Variants in SERPINA12 observed in about 807,000 individuals in gnomAD.
SERPINA12 encodes serpin family A member 12.
In SERPINA12, 21 loss-of-function variants were observed where a neutral mutation model predicts 25.9. That is an observed-to-expected ratio of 0.81 (90% confidence interval 0.58 to 1.17). The LOEUF (loss-of-function observed/expected upper bound fraction) is 1.17, where lower values mean the gene tolerates loss of function less well. Ranked by LOEUF, SERPINA12 falls within the 50% of genes most tolerant of loss-of-function variation. The probability of loss-of-function intolerance (pLI) is 0.00; values close to 1 mark genes in which losing one functional copy is unlikely to be tolerated. For missense variants in SERPINA12, 562 were observed against 508.3 expected, an observed-to-expected ratio of 1.11 and a Z score of -1.02; for synonymous variants, 220 against 196.0, an observed-to-expected ratio of 1.12 and a Z score of -1.02.
At chr14:94,511,976 T>C (rs1901124204), upstream of SERPINA12, among the ~76,000 whole-genome samples, 1 of 152,128 alleles carries the variant, frequency 6.6e-6, no homozygotes, top group Admixed American at 6.5e-5. Flanking sequence ...CTCGCACCAG[T>C]GGTCCCAGCT....
chr14:94,516,622 T>G (rs958550843), intron 1 of SERPINA12, among the ~76,000 whole-genome samples: 3 of 152,208 alleles, frequency 2.0e-5, no homozygotes, highest in Non-Finnish European at 4.4e-5. Flanking sequence ...CGTAGCCAAC[T>G]CTTACCTGGA....
chr14:94,499,759 G>A (rs1164135443), intron 1 of SERPINA12, among the ~76,000 whole-genome samples: 2 of 152,184 alleles, frequency 1.3e-5, no homozygotes, highest in Non-Finnish European at 2.9e-5. Context: ...AAGTGGGATG[G>A]AAAAGGGAAG....
At chr14:94,507,721 T>A (rs1900981029) in intron 1 of SERPINA12, among the ~76,000 whole-genome samples, 1 of 152,158 alleles carries the variant, frequency 6.6e-6, no homozygotes, top group Admixed American at 6.5e-5. Context: ...AGTGGAACTC[T>A]CTTATATTGC....
intron 4 of SERPINA12, among the ~76,000 whole-genome samples, chr14:94,488,713 A>G (rs930120440): frequency 6.6e-6 from 1 of 152,214 alleles, no homozygotes; most frequent in Non-Finnish European, 1.5e-5. Context: ...CTTGCCCCAG[A>G]CAGTCAGGTG....
chr14:94,496,897 G>A (rs1050835489), intron 2 of SERPINA12, among the ~76,000 whole-genome samples: 1 of 152,166 alleles, frequency 6.6e-6, no homozygotes, highest in Non-Finnish European at 1.5e-5. Flanking sequence ...CATAAGCTCA[G>A]GTTCCCCTAA....
intron 2 of SERPINA12, 91 bp downstream of exon 2, chr14:94,497,673 G>A: frequency 8.3e-7 from 1 of 1,209,400 alleles, no homozygotes; most frequent in Middle Eastern, 2.6e-4. Context: ...TGAATTCAAG[G>A]TCACAGAGTA....
rs1901023472 is a variant in SERPINA12 at position 94,508,845 on chromosome 14, A to G, written c.-34+497T>C. ...CATTGAAACATTGTGGGTGGGGGCCAGCTTTGATTTTCCTCATCTTATTTT... is the reference window on the plus strand; with the variant it reads ...CATTGAAACATTGTGGGTGGGGGCCGGCTTTGATTTTCCTCATCTTATTTT... On this transcript the variant is annotated intron_variant, in intron 1 of 4. Transcript: ENST00000677451. Among the ~76,000 whole-genome samples, 3 of 152,314 alleles carry G rather than the reference A, an allele frequency of 2.0e-5. No individual in the cohort carries two copies. The South Asian group carries it at 6.2e-4, about 32-fold the overall frequency.
At chr14:94,487,851 C>A (rs1899969827) in intron 4 of SERPINA12, among the ~76,000 whole-genome samples, 1 of 151,984 alleles carries the variant, frequency 6.6e-6, no homozygotes, top group Non-Finnish European at 1.5e-5. Flanking sequence ...GGTGGTGGTA[C>A]CCCCACCCTG....
chr14:94,502,961 G>GCACTTGGGTAAACCCGGTGCCCTT (rs1438113516), intron 1 of SERPINA12, among the ~76,000 whole-genome samples: 1 of 152,160 alleles, frequency 6.6e-6, no homozygotes, highest in Non-Finnish European at 1.5e-5. Flanking sequence ...GGAATGTGCA[G>GCACTTGGGTAAACCCGGTGCCCTT]CACTTGGGTA....
chr14:94,517,567 A>G (rs1163546614), exon 1 of SERPINA12: 1 of 152,012 alleles, frequency 6.6e-6, no homozygotes, highest in Non-Finnish European at 1.5e-5. Flanking sequence ...ATTTTCCCAT[A>G]TGTTGGGCTG....
intron 1 of SERPINA12, among the ~76,000 whole-genome samples, chr14:94,508,808 T>G (rs1384458009): frequency 3.9e-5 from 6 of 152,182 alleles, no homozygotes; most frequent in Non-Finnish European, 8.8e-5. Flanking sequence ...GTAAAAAATT[T>G]GGGTAAATAT....
chr14:94,498,927 G>C lies in SERPINA12; in HGVS notation c.-33-497C>G, dbSNP rs138151888. Among the ~76,000 whole-genome samples the C allele has an allele frequency of 2.0e-3, 301 of 152,290 alleles. 2 individuals are homozygous for C. Among genetic ancestry groups the C allele is most frequent in the African/African-American group, 7.0e-3 (289 of 41,552 alleles). On this transcript the variant is annotated intron_variant, in intron 1 of 4. Transcript: ENST00000677451. Reference sequence around the variant, plus strand: ...AGCCCTGGAGCTGAATGTGGCCATGGTTTCCACATGTAGAAGGAGAGGAGA... The same window carrying C: ...AGCCCTGGAGCTGAATGTGGCCATGCTTTCCACATGTAGAAGGAGAGGAGA...
Position 94,498,259 on chromosome 14 carries a change from C to T in SERPINA12, c.139G>A (p.Glu47Lys), listed in dbSNP as rs775060836. The T allele has an allele frequency of 1.7e-5, 27 of 1,614,070 alleles. No homozygotes were observed. Among genetic ancestry groups the T allele is most frequent in the Non-Finnish European group, 2.3e-5 (27 of 1,180,038 alleles). The stretch of plus-strand genomic sequence containing the variant: ...AAGTCCATGTTCTGCCTTGCAAGCT[C>T]CTTGGCTGCCATCCTTTGCTTCCAT... ...QGWKQRMAAK[E>K]LARQNMDLGF... Residue 47 changes from glutamate to lysine, a missense_variant, in exon 2 of 5, where the codon GAG (glutamate) becomes AAG (lysine). Glu to Lys is a moderately conservative substitution (Grantham distance 56). Coordinates refer to ENST00000677451, the MANE Select transcript of SERPINA12 (RefSeq NM_001382267.1).
At chr14:94,514,252 G>A (rs1017525561), upstream of SERPINA12, among the ~76,000 whole-genome samples, 1 of 152,158 alleles carries the variant, frequency 6.6e-6, no homozygotes, top group South Asian at 2.1e-4. Flanking sequence ...TGACAGAGAC[G>A]GTTGTTTTTG....
intron 3 of SERPINA12, among the ~76,000 whole-genome samples, chr14:94,495,382 T>G (rs1213207674): frequency 1.3e-5 from 2 of 152,176 alleles, no homozygotes; most frequent in Non-Finnish European, 2.9e-5. Flanking sequence ...TTTCCCTTTC[T>G]TAAGTCTGCA....
At chr14:94,515,322 G>C (rs976896945) in intron 2 of SERPINA12, among the ~76,000 whole-genome samples, 4 of 152,154 alleles carry the variant, frequency 2.6e-5, no homozygotes, top group African/African-American at 9.7e-5. Context: ...GTCCGGGAAG[G>C]CTTCCTGGAG....
At chr14:94,509,825 T>A (rs1901061574), upstream of SERPINA12, among the ~76,000 whole-genome samples, 1 of 152,078 alleles carries the variant, frequency 6.6e-6, no homozygotes, top group Admixed American at 6.6e-5. Flanking sequence ...ACACACGCCA[T>A]CCCCTCCCAG....
chr14:94,505,920 G>T (rs1433461826), intron 1 of SERPINA12, among the ~76,000 whole-genome samples: 1 of 152,218 alleles, frequency 6.6e-6, no homozygotes, highest in East Asian at 1.9e-4. Flanking sequence ...GTTGGGAGTT[G>T]CCTGTCCTGC....
chr14:94,498,385 G>T lies in SERPINA12; in HGVS notation c.13C>A (p.Leu5Ile), dbSNP rs1350746883. MNPT[L>I]GLAIFLAVLL... ...ACAGCCAGAAAAATGGCCAGGCCTA[G>T]TGTGGGGTTCATTTTCCTTGAAGAA... The change falls in exon 2 of 5, where the codon CTA becomes ATA. Residue 5 changes from leucine (L) to isoleucine (I), a missense_variant. Coordinates refer to ENST00000677451, the MANE Select transcript of SERPINA12 (RefSeq NM_001382267.1). The T allele has an allele frequency of 6.2e-7, 1 of 1,613,158 alleles. No homozygotes were observed. The highest frequency in any genetic ancestry group is 8.5e-7 in the Non-Finnish European group (1 of 1,179,552).
Sources: gnomAD v4.1 joint callset for allele counts (sites outside exome capture counted in the v4.1 genomes callset) on GRCh38, gnomAD v4.1.1 for gene constraint, MANE v1.5 for transcripts, NCBI Gene and HGNC (gene_info 2026-07-23, HGNC 2026-07-21) for gene names.